MAP2K1: variants seen among roughly 807,000 people sequenced by gnomAD.
MAP2K1 encodes dual specificity mitogen-activated protein kinase kinase 1.
MAP2K1 carries 16 observed loss-of-function variants against 46.3 expected under a neutral mutation model. That is an observed-to-expected ratio of 0.35 (90% confidence interval 0.23 to 0.52). The LOEUF is 0.52. Ranked by LOEUF, MAP2K1 falls within the 20% of genes least tolerant of loss-of-function variation. The pLI, the probability that MAP2K1 is intolerant of heterozygous loss-of-function variation, is 0.94. For synonymous variants in MAP2K1, 183 were observed against 185.6 expected (o/e 0.99, Z 0.11); for missense variants, 263 against 497.1 (o/e 0.53, Z 4.48).
chr15:66,489,954 C>T lies in MAP2K1; in HGVS notation c.1068+191C>T, dbSNP rs554803216. 80 of 663,488 alleles carry T rather than the reference C, an allele frequency of 1.2e-4. 1 individual carries two copies. The East Asian group carries it at 1.5e-3, about 12-fold the overall frequency. The allele number at this position is 663,488 out of a possible 1,614,324, so 41.1% of individuals were successfully genotyped here. A position where few individuals can be genotyped will look rare whatever the true frequency, so the allele number is the denominator to read the frequency against. ...CAGTTTAAGGGAAAGCTGGGGTGAC[C>T]CCCGCAGCCTGAGTAAGCATATGCC... On this transcript the variant is annotated intron_variant, in intron 10 of 10. Transcript: ENST00000307102.
intron 1 of MAP2K1, among the ~76,000 whole-genome samples, chr15:66,400,803 G>A (rs570966387): frequency 3.3e-5 from 5 of 152,306 alleles, no homozygotes; most frequent in African/African-American, 9.6e-5. Flanking sequence ...ACTCCCAGGG[G>A]CATCCTGCTC....
At chr15:66,486,167 G>C (rs147381334) in intron 7 of MAP2K1, among the ~76,000 whole-genome samples, 2 of 152,304 alleles carry the variant, frequency 1.3e-5, no homozygotes, top group East Asian at 3.9e-4. Flanking sequence ...TCCCAAAGTG[G>C]TGGGATTATA....
intron 1 of MAP2K1, among the ~76,000 whole-genome samples, chr15:66,398,200 T>G (rs1032090554): frequency 6.6e-6 from 1 of 151,198 alleles, no homozygotes; most frequent in Non-Finnish European, 1.5e-5. Context: ...GAGGATTGCT[T>G]GAGCCCAAGA....
At chr15:66,474,722 C>T (rs544927423) in intron 5 of MAP2K1, among the ~76,000 whole-genome samples, 27 of 152,200 alleles carry the variant, frequency 1.8e-4, no homozygotes, top group Admixed American at 5.2e-4. Flanking sequence ...TAACAGGTGA[C>T]GCCTTCCTAT....
intron 3 of MAP2K1, 21 bp from the exon 4 acceptor site, chr15:66,443,259 G>C (rs1322499981): frequency 2.0e-6 from 3 of 1,476,588 alleles, no homozygotes; most frequent in African/African-American, 2.8e-5. Flanking sequence ...TCACTAACTG[G>C]TCTGGTATTC....
chr15:66,413,268 G>T (rs2093416035), intron 1 of MAP2K1, among the ~76,000 whole-genome samples: 1 of 152,158 alleles, frequency 6.6e-6, no homozygotes, highest in Admixed American at 6.5e-5. Flanking sequence ...GAAGCATTCT[G>T]GGCTGGTGTC....
At chr15:66,399,608 A>G (rs2093376732) in intron 1 of MAP2K1, among the ~76,000 whole-genome samples, 1 of 151,890 alleles carries the variant, frequency 6.6e-6, no homozygotes, top group Non-Finnish European at 1.5e-5. Context: ...GCACGTGCCA[A>G]TACACCCAGC....
chr15:66,489,503 TC>T (rs1461495479), intron 9 of MAP2K1: 2 of 667,124 alleles, frequency 3.0e-6, no homozygotes, highest in African/African-American at 1.8e-5. Context: ...GTACTTGCTC[TC>T]CAGGGATTGG....
At chr15:66,425,194 C>G (rs1301352782) in intron 1 of MAP2K1, among the ~76,000 whole-genome samples, 1 of 152,142 alleles carries the variant, frequency 6.6e-6, no homozygotes, top group Non-Finnish European at 1.5e-5. Flanking sequence ...CAGACTTTGC[C>G]TTGTATCTGC....
At chr15:66,473,874 G>A (rs1892696836) in intron 5 of MAP2K1, among the ~76,000 whole-genome samples, 1 of 152,112 alleles carries the variant, frequency 6.6e-6, no homozygotes, top group Non-Finnish European at 1.5e-5. Flanking sequence ...TAGAGACAGA[G>A]TTTTGCCACA....
chr15:66,388,794 T>G (rs2093349440), intron 1 of MAP2K1, among the ~76,000 whole-genome samples: 2 of 152,010 alleles, frequency 1.3e-5, no homozygotes, highest in Admixed American at 1.3e-4. Context: ...TCAGACCTGC[T>G]CCCAACAGAC....
In MAP2K1 at chr15:66,481,708, A is replaced by G. The variant is rs756743409; in HGVS notation, c.569-47A>G. ...GGAATGCTGATCCTTCTCTTCCCCA[A>G]TCTACCTGTGTCAGTTCCCTCCTTT... On this transcript the variant is annotated intron_variant, in intron 5 of 10. Coordinates refer to ENST00000307102, the MANE Select transcript of MAP2K1 (RefSeq NM_002755.4). The G allele has an allele frequency of 6.5e-5, 104 of 1,604,234 alleles. 1 individual carries two copies. Among genetic ancestry groups the G allele is most frequent in the Middle Eastern group, 2.3e-4 (1 of 4,436 alleles).
intron 5 of MAP2K1, among the ~76,000 whole-genome samples, chr15:66,469,693 G>GACACACACAC (rs56197290): frequency 0.24 from 20,702 of 84,752 alleles, 2,959 homozygotes; most frequent in Admixed American, 0.31. Context: ...TCCTTTTAAA[G>GACACACACAC]ACACACACAC....
chr15:66,452,135 G>A (rs1595869511), intron 5 of MAP2K1, among the ~76,000 whole-genome samples: 1 of 98,694 alleles, frequency 1.0e-5, no homozygotes. Flanking sequence ...TGGGGACTGT[G>A]GTGGGGTCGG....
intron 1 of MAP2K1, among the ~76,000 whole-genome samples, chr15:66,407,550 G>C (rs1198985918): frequency 1.3e-5 from 2 of 152,208 alleles, no homozygotes; most frequent in African/African-American, 4.8e-5. Flanking sequence ...CTACCTTTCA[G>C]GGTTTGTATA....
At chr15:66,400,602 C>T (rs758814490) in intron 1 of MAP2K1, among the ~76,000 whole-genome samples, 2 of 152,184 alleles carry the variant, frequency 1.3e-5, no homozygotes, top group African/African-American at 4.8e-5. Context: ...TGTGTTTTTA[C>T]TTCATGTCCT....
chr15:66,481,393 T>C (rs1892911704), intron 5 of MAP2K1, among the ~76,000 whole-genome samples: 2 of 152,192 alleles, frequency 1.3e-5, no homozygotes, highest in Admixed American at 6.5e-5. Context: ...CAGCCATAGA[T>C]ACTATATCTT....
Position 66,457,343 on chromosome 15 carries a change from C to T in MAP2K1, c.568+12636C>T, listed in dbSNP as rs369046559. 3.9e-5 allele frequency among the ~76,000 whole-genome samples: 6 copies of T among 152,196 alleles called. No homozygotes were observed. In the East Asian group the frequency reaches 1.2e-3, roughly 29 times the overall value. On this transcript the variant is annotated intron_variant, in intron 5 of 10. Coordinates refer to ENST00000307102, the MANE Select transcript of MAP2K1 (RefSeq NM_002755.4). Reference sequence around the variant, plus strand: ...CTATGTTGCCCAGCCTGATCTCAAACTCCTGGGCTCAAGTGATCCACCTGC... The same window carrying T: ...CTATGTTGCCCAGCCTGATCTCAAATTCCTGGGCTCAAGTGATCCACCTGC...
intron 7 of MAP2K1, 113 bp from the exon 8 acceptor site, chr15:66,487,115 G>A (rs543889660): frequency 7.0e-6 from 6 of 859,016 alleles, no homozygotes; most frequent in East Asian, 2.6e-5. Context: ...GCTGTTTAAT[G>A]TTTATTGTCC....
Sources: allele counts gnomAD v4.1 joint callset (sites outside exome capture counted in the v4.1 genomes callset), GRCh38; gene constraint gnomAD v4.1.1; transcripts MANE v1.5; gene names NCBI Gene and HGNC (gene_info 2026-07-23, HGNC 2026-07-21).